SPATA31C1: variants seen among roughly 807,000 people sequenced by gnomAD.
The protein encoded by SPATA31C1 is spermatogenesis-associated protein 31C1.
intron 2 of SPATA31C1, 58 bp from the exon 2 acceptor site, chr9:87,919,197 C>G (rs560885285): frequency 6.3e-7 from 1 of 1,592,786 alleles, no homozygotes. Flanking sequence ...CAGCGTGCTG[C>G]GGCTGGGGGC....
chr9:87,921,807 T>C (rs1828879300), exon 5 of SPATA31C1: 2 of 1,611,922 alleles, frequency 1.2e-6, no homozygotes, highest in African/African-American at 1.3e-5. Context: ...TAGGAAAGCC[T>C]GTGTAAACAC....
At chr9:87,915,895 C>G (rs1277997232) in intron 1 of SPATA31C1, among the ~76,000 whole-genome samples, 17 of 144,584 alleles carry the variant, frequency 1.2e-4, no homozygotes, top group Admixed American at 6.2e-4. Context: ...TTTTGTTGAG[C>G]TGTATTATAG....
At chr9:87,920,978 C>A (rs546190493) in exon 5 of SPATA31C1, 39 of 1,612,664 alleles carry the variant, frequency 2.4e-5, no homozygotes, top group Non-Finnish European at 3.2e-5. Context: ...TGGCTCAGGC[C>A]GAGGCTCAGG....
At chr9:87,922,567 C>A in exon 5 of SPATA31C1, 4 of 1,609,976 alleles carry the variant, frequency 2.5e-6, no homozygotes, top group Non-Finnish European at 3.4e-6. Context: ...GTGCTCCTTC[C>A]AGATGGGCAA....
chr9:87,921,586 C>T, exon 5 of SPATA31C1: 2 of 1,611,948 alleles, frequency 1.2e-6, no homozygotes, highest in Non-Finnish European at 1.7e-6. Flanking sequence ...CTGAGGAAGC[C>T]CTTGAGGAGT....
At chr9:87,922,153 G>C in exon 5 of SPATA31C1, 1 of 1,613,454 alleles carries the variant, frequency 6.2e-7, no homozygotes, top group Non-Finnish European at 8.5e-7. Context: ...CAGTTCCAGA[G>C]GGCCCCGCGA....
rs143202951 is a variant in SPATA31C1 at position 87,921,096 on chromosome 9, T to C, written n.1486T>C. Reference sequence around the variant, plus strand: ...GCAGAATAAAGTGCAAGCTCTCTCCTTACCTGAAACTCAGCACCCTGAAAG... The same window carrying C: ...GCAGAATAAAGTGCAAGCTCTCTCCCTACCTGAAACTCAGCACCCTGAAAG... On this transcript the variant is annotated non_coding_transcript_exon_variant, in exon 5 of 5. Coordinates refer to ENST00000420021, the Ensembl canonical transcript of SPATA31C1. 1.4e-4 allele frequency: 229 copies of C among 1,611,364 alleles called. No individual in the cohort carries two copies. The African/African-American group carries it at 2.0e-3, about 14-fold the overall frequency.
chr9:87,916,932 G>T (rs1256880650), intron 1 of SPATA31C1, among the ~76,000 whole-genome samples: 1 of 59,106 alleles, frequency 1.7e-5, no homozygotes, highest in Non-Finnish European at 3.1e-5. Context: ...AGGACGCACA[G>T]GTTGCAGTGA....
exon 5 of SPATA31C1, chr9:87,920,894 C>T (rs1436576282): frequency 6.2e-7 from 1 of 1,613,208 alleles, no homozygotes. Flanking sequence ...TTTTCCAGGC[C>T]CAGCCCCTGT....
chr9:87,916,199 C>T (rs199693315), intron 1 of SPATA31C1, among the ~76,000 whole-genome samples: 85 of 135,234 alleles, frequency 6.3e-4, no homozygotes, highest in East Asian at 1.2e-3. Context: ...AATAAGAAAA[C>T]CAATTAGATA....
At chr9:87,921,986 T>C in exon 5 of SPATA31C1, 3 of 1,613,400 alleles carry the variant, frequency 1.9e-6, no homozygotes, top group Non-Finnish European at 2.5e-6. Flanking sequence ...AGCTTGCTGG[T>C]CCCTCCTCAG....
exon 5 of SPATA31C1, chr9:87,920,572 C>G: frequency 6.2e-7 from 1 of 1,613,784 alleles, no homozygotes; most frequent in South Asian, 1.1e-5. Flanking sequence ...CCACCACACA[C>G]CCCTGATCCT....
chr9:87,920,968 T>C (rs771705187), exon 5 of SPATA31C1: 66 of 1,612,890 alleles, frequency 4.1e-5, no homozygotes, highest in Non-Finnish European at 5.4e-5. Context: ...CCCACACCTA[T>C]GGCTCAGGCC....
At chr9:87,921,235 C>G (rs555161883) in exon 5 of SPATA31C1, 3 of 1,611,968 alleles carry the variant, frequency 1.9e-6, no homozygotes, top group Middle Eastern at 2.3e-4. Context: ...AGACTGACAT[C>G]CATTCTGCCT....
At chr9:87,922,068 C>G (rs1222517657) in exon 5 of SPATA31C1, 2 of 1,613,876 alleles carry the variant, frequency 1.2e-6, no homozygotes, top group African/African-American at 2.7e-5. Context: ...AATGGCAAGT[C>G]TGAGAAAGCA....
rs569414999 is a variant in SPATA31C1, at chr9:87,920,408, G to A, written n.798G>A. On this transcript the variant is annotated non_coding_transcript_exon_variant, in exon 5 of 5. Coordinates refer to ENST00000420021, the Ensembl canonical transcript of SPATA31C1. ...CCATTGTCTCCCCGTTAGCTTCCCC[G>A]GATCCTCGAACCAAGCATCCTCAGG... 3.3e-5 allele frequency: 54 copies of A among 1,613,880 alleles called. 1 individual carries two copies. In the East Asian group the frequency reaches 4.2e-4, roughly 13 times the overall value.
Position 87,920,232 on chromosome 9 carries a change from G to T in SPATA31C1, n.642-20G>T, listed in dbSNP as rs181014483. ...CCCATCTGGCTCCTGGCTGCAGCTT[G>T]TGCCTCCTGTCTCCTGCAGCCTCCT... On this transcript the variant is annotated intron_variant and non_coding_transcript_variant, in intron 4 of 4. Transcript: ENST00000420021. 6.2e-7 allele frequency: 1 copy of T among 1,612,380 alleles called. No individual in the cohort carries two copies. The highest frequency in any genetic ancestry group is 8.5e-7 in the Non-Finnish European group (1 of 1,179,322).
Position 87,919,181 on chromosome 9 carries a change from T to C in SPATA31C1, n.523-110T>C, listed in dbSNP as rs769914675. The C allele has an allele frequency of 4.1e-5, 65 of 1,588,826 alleles. No individual in the cohort carries two copies. In the Middle Eastern group the frequency reaches 8.4e-4, roughly 21 times the overall value. ...AAGACAGACAGAGCCATGCGGTTCA[T>C]GAGTGCAGCGTGCTGCGGCTGGGGG... is the stretch of plus-strand genomic sequence containing the variant. On this transcript the variant is annotated intron_variant and non_coding_transcript_variant, in intron 2 of 4. Transcript: ENST00000420021.
exon 5 of SPATA31C1, chr9:87,923,138 T>C (rs749443208): frequency 1.9e-6 from 3 of 1,603,394 alleles, no homozygotes; most frequent in East Asian, 2.2e-5. Context: ...CACTTTGCCA[T>C]GCGCGCCATG....
Sources: gnomAD v4.1 joint callset for allele counts (sites outside exome capture counted in the v4.1 genomes callset) on GRCh38, gnomAD v4.1.1 for gene constraint, MANE v1.5 for transcripts, NCBI Gene and HGNC (gene_info 2026-07-23, HGNC 2026-07-21) for gene names.